ZMYM4: variants seen among roughly 807,000 people sequenced by gnomAD.
The protein encoded by ZMYM4 is zinc finger MYM-type containing 4.
ZMYM4 carries 31 observed loss-of-function variants against 183.2 expected under a neutral mutation model. The ratio of observed to expected loss-of-function variants is 0.17; its 90% CI spans 0.13 to 0.23. ZMYM4 has a LOEUF of 0.23. ZMYM4 is among the 10% of genes least tolerant of loss of function. The pLI is 1.00. For synonymous variants in ZMYM4, 592 were observed against 631.2 expected (o/e 0.94, Z 0.93); for missense variants, 1,273 against 1,840.3 (o/e 0.69, Z 5.64).
intron 2 of ZMYM4, among the ~76,000 whole-genome samples, chr1:35,340,381 G>C (rs758606418): frequency 1.8e-4 from 27 of 151,924 alleles, no homozygotes; most frequent in Non-Finnish European, 2.8e-4. Flanking sequence ...GATGGTTTTG[G>C]GATGATTCAA....
chr1:35,384,493 C>T (rs1191249075), intron 9 of ZMYM4, among the ~76,000 whole-genome samples: 1 of 152,140 alleles, frequency 6.6e-6, no homozygotes, highest in East Asian at 1.9e-4. Flanking sequence ...GCATTATTTG[C>T]TGCTGAATCC....
intron 2 of ZMYM4, among the ~76,000 whole-genome samples, chr1:35,346,443 G>T (rs529111872): frequency 6.6e-6 from 1 of 152,094 alleles, no homozygotes; most frequent in African/African-American, 2.4e-5. Flanking sequence ...CTGAGGTCAG[G>T]AGTTCGAGAC....
At chr1:35,403,093 TC>T (rs928017966) in intron 23 of ZMYM4, among the ~76,000 whole-genome samples, 29 of 152,370 alleles carry the variant, frequency 1.9e-4, no homozygotes, top group African/African-American at 7.0e-4. Flanking sequence ...GTATTGAACT[TC>T]CTCAGGTGGA....
intron 2 of ZMYM4, among the ~76,000 whole-genome samples, chr1:35,342,929 G>A (rs1343836325): frequency 3.9e-5 from 6 of 151,962 alleles, no homozygotes; most frequent in African/African-American, 1.2e-4. Context: ...CGACCTGCCC[G>A]CCTCAGCCTC....
At chr1:35,374,047 T>TG (rs1644279163) in intron 7 of ZMYM4, among the ~76,000 whole-genome samples, 1 of 133,362 alleles carries the variant, frequency 7.5e-6, no homozygotes, top group Non-Finnish European at 1.5e-5. Flanking sequence ...TTTTTTTTTT[T>TG]GAGACAAGAG....
At chr1:35,410,590 G>T (rs551150405) in intron 26 of ZMYM4, among the ~76,000 whole-genome samples, 1 of 151,590 alleles carries the variant, frequency 6.6e-6, no homozygotes, top group East Asian at 1.9e-4. Flanking sequence ...CCAGGTTCAC[G>T]CCATTTTCCT....
intron 1 of ZMYM4, among the ~76,000 whole-genome samples, chr1:35,285,451 T>G (rs1223091504): frequency 6.6e-6 from 1 of 151,752 alleles, no homozygotes; most frequent in African/African-American, 2.4e-5. Flanking sequence ...ATTAGTAGAA[T>G]GAAGAAAAAA....
At chr1:35,321,752 G>A (rs930803931) in intron 1 of ZMYM4, among the ~76,000 whole-genome samples, 6 of 151,900 alleles carry the variant, frequency 3.9e-5, no homozygotes, top group African/African-American at 1.2e-4. Flanking sequence ...TCATAAACTG[G>A]GCATGGTGGT....
chr1:35,386,224 G>A (rs1024546944), intron 11 of ZMYM4, 35 bp downstream of exon 11: 1 of 1,461,040 alleles, frequency 6.8e-7, no homozygotes, highest in African/African-American at 1.4e-5. Flanking sequence ...TCTTCAGTCA[G>A]TGAGTCACCT....
At chr1:35,376,893 C>CT (rs1197435471) in intron 7 of ZMYM4, among the ~76,000 whole-genome samples, 3 of 152,060 alleles carry the variant, frequency 2.0e-5, no homozygotes, top group Non-Finnish European at 4.4e-5. Context: ...CACAATAACT[C>CT]TGAGCTCCTT....
At position 35,419,602 on chromosome 1, in the gene ZMYM4, T is replaced by C; in HGVS notation, c.4572T>C (p.Ile1524=). 6.2e-7 allele frequency: 1 copy of C among 1,614,196 alleles called. No homozygotes were observed. The highest frequency in any genetic ancestry group is 8.5e-7 in the Non-Finnish European group (1 of 1,180,026). Reference sequence around the variant, plus strand: ...CCCTGGACACCATGTTAACACGTATTCTCATGGTGAGGGAGGTACATGAAG... The same window carrying C: ...CCCTGGACACCATGTTAACACGTATCCTCATGGTGAGGGAGGTACATGAAG... The part of the protein sequence containing the change: ...PGTLDTMLTR[I]LMVREVHEEL... The change falls in exon 30 of 30, where the codon ATT becomes ATC. Residue 1524 remains isoleucine, a synonymous_variant. Coordinates refer to ENST00000314607, the MANE Select transcript of ZMYM4 (RefSeq NM_005095.3).
rs76977333 is a variant in ZMYM4, at chr1:35,283,572, C to T, written c.39+14487C>T. On this transcript the variant is annotated intron_variant, in intron 1 of 29. Coordinates refer to ENST00000314607, the MANE Select transcript of ZMYM4 (RefSeq NM_005095.3). The stretch of plus-strand genomic sequence containing the variant: ...CAGGATAGTCTTGATCTCCTGACCT[C>T]GTGAGCCACCCGCCTCGGCCTCCCA... Among the ~76,000 whole-genome samples, 74 of 151,294 alleles carry T rather than the reference C, an allele frequency of 4.9e-4. 1 individual carries two copies. The East Asian group carries it at 0.013, about 26-fold the overall frequency.
intron 5 of ZMYM4, among the ~76,000 whole-genome samples, chr1:35,362,012 C>G (rs563697656): frequency 6.6e-6 from 1 of 152,256 alleles, no homozygotes; most frequent in Admixed American, 6.5e-5. Context: ...TTTCTTAATA[C>G]CACTGTGATT....
chr1:35,272,042 C>T (rs1012947721), intron 1 of ZMYM4, among the ~76,000 whole-genome samples: 3 of 152,188 alleles, frequency 2.0e-5, no homozygotes, highest in Admixed American at 6.5e-5. Context: ...TTAGAATGTT[C>T]GGTATGATTG....
rs912143772 is a variant in ZMYM4, at chr1:35,408,051, T to C, written c.3840T>C (p.Phe1280=). Residue 1280 remains phenylalanine, a synonymous_variant, in exon 26 of 30, where the codon TTT becomes TTC. Transcript: ENST00000314607. ...AGGAAGACATTCTGTCCTGCACTTT[T>C]GCTGAGTTGAGTTTGGGCTTATGCC... is the stretch of plus-strand genomic sequence containing the variant. ...KLKEDILSCT[F]AELSLGLCQF... is the part of the protein sequence containing the mutation. The C allele has an allele frequency of 3.7e-6, 6 of 1,614,134 alleles. No individual in the cohort carries two copies. Among genetic ancestry groups the C allele is most frequent in the Non-Finnish European group, 5.1e-6 (6 of 1,180,046 alleles).
chr1:35,392,564 G>A, intron 16 of ZMYM4, 83 bp from the exon 17 acceptor site: 2 of 1,372,352 alleles, frequency 1.5e-6, no homozygotes, highest in Admixed American at 2.2e-5. Flanking sequence ...GAGGGTTTGT[G>A]TTTATGTACT....
At chr1:35,311,560 G>A (rs1311103662) in intron 1 of ZMYM4, among the ~76,000 whole-genome samples, 2 of 151,718 alleles carry the variant, frequency 1.3e-5, no homozygotes, top group Middle Eastern at 3.4e-3. Flanking sequence ...AGCCATGAGC[G>A]TACCACTGTA....
In ZMYM4 at chr1:35,308,401, C is replaced by T. The variant is rs150985322; in HGVS notation, c.40-16959C>T. 8.5e-5 allele frequency among the ~76,000 whole-genome samples: 13 copies of T among 152,280 alleles called. 2 individuals are homozygous for T. Among genetic ancestry groups the T allele is most frequent in the African/African-American group, 2.6e-4 (11 of 41,548 alleles). On this transcript the variant is annotated intron_variant, in intron 1 of 29. Coordinates refer to ENST00000314607, the MANE Select transcript of ZMYM4 (RefSeq NM_005095.3). ...GGTATATACAAACTGTCTCCCGTGC[C>T]AGGTGCTTGAGAAATAGGAGTTCAT...
At chr1:35,343,846 A>G (rs1927652) in intron 2 of ZMYM4, among the ~76,000 whole-genome samples, 1,665 of 151,454 alleles carry the variant, frequency 0.011, 30 homozygotes, top group African/African-American at 0.033. Flanking sequence ...CCTGGGCGAC[A>G]GAGCGAGACT....
Sources: gnomAD v4.1 joint callset for allele counts (sites outside exome capture counted in the v4.1 genomes callset) on GRCh38, gnomAD v4.1.1 for gene constraint, MANE v1.5 for transcripts, NCBI Gene and HGNC (gene_info 2026-07-23, HGNC 2026-07-21) for gene names.